Variants in SEMA4B observed in about 807,000 individuals in gnomAD.
The protein encoded by SEMA4B is semaphorin-4B.
Under a neutral mutation model 88.1 loss-of-function variants are expected in SEMA4B, and 55 were observed. The observed-to-expected ratio is 0.62, with a 90% CI of 0.50 to 0.78. SEMA4B has a LOEUF of 0.78. Among genes scored for constraint, SEMA4B ranks in the 30% least tolerant of loss-of-function variants. SEMA4B has a pLI of 0.00. For missense variants in SEMA4B, 1,062 were observed against 1,111.9 expected, an observed-to-expected ratio of 0.96 and a Z score of 0.64; for synonymous variants, 525 against 473.6, an observed-to-expected ratio of 1.11 and a Z score of -1.41.
chr15:90,185,170 C>G (rs1193557892), intron 1 of SEMA4B: 1 of 712,456 alleles, frequency 1.4e-6, no homozygotes, highest in Non-Finnish European at 1.7e-6. Flanking sequence ...GCTGCCCCCA[C>G]CCTTGCACCC....
Position 90,228,669 on chromosome 15 carries a change from C to T in SEMA4B, c.*26C>T, listed in dbSNP as rs755322283. On this transcript the variant is annotated 3_prime_UTR_variant, in exon 14 of 14. Transcript: ENST00000411539. ...GAGCTGACTTCCAGAGGACGCTGCC[C>T]TGGCTTCAGGGGCTGTGAATGCTCG... is the stretch of plus-strand genomic sequence containing the variant. 43 of 1,612,226 alleles carry T rather than the reference C, an allele frequency of 2.7e-5. No homozygotes were observed. Among genetic ancestry groups the T allele is most frequent in the Non-Finnish European group, 3.6e-5 (42 of 1,179,696 alleles).
intron 7 of SEMA4B, among the ~76,000 whole-genome samples, chr15:90,222,089 G>A (rs947217513): frequency 1.3e-5 from 2 of 151,080 alleles, no homozygotes; most frequent in African/African-American, 2.4e-5. Flanking sequence ...ACAGGTGTGC[G>A]CCCCCATGCC....
chr15:90,192,492 C>T (rs1042130912), intron 1 of SEMA4B, among the ~76,000 whole-genome samples: 1 of 151,994 alleles, frequency 6.6e-6, no homozygotes, highest in African/African-American at 2.4e-5. Flanking sequence ...CATCTGTTCC[C>T]TTTGTACTGG....
chr15:90,198,908 C>T (rs1462744268), upstream of SEMA4B, among the ~76,000 whole-genome samples: 1 of 152,132 alleles, frequency 6.6e-6, no homozygotes, highest in African/African-American at 2.4e-5. Context: ...TGCTCTGTAG[C>T]CCAGGCTGGA....
At position 90,212,921 on chromosome 15, in the gene SEMA4B, A is replaced by T. The variant is rs546103878; in HGVS notation, c.158-4518A>T. The stretch of plus-strand genomic sequence containing the variant: ...GCTAAGTTCGTGAACCCCCTGGATG[A>T]GGGAGGCCCGACTCCCGCAAGGAGC... On this transcript the variant is annotated intron_variant, in intron 1 of 13. Transcript: ENST00000411539. This position sits in a 1 kb window ranked among gnomAD's most constrained non-coding sequence, Gnocchi z 4.0. Among the ~76,000 whole-genome samples the T allele has an allele frequency of 1.3e-5, 2 of 152,166 alleles. No homozygotes were observed. Among genetic ancestry groups the T allele is most frequent in the Non-Finnish European group, 2.9e-5 (2 of 68,022 alleles).
chr15:90,229,538 C>G lies in SEMA4B; in HGVS notation c.*895C>G. On this transcript the variant is annotated 3_prime_UTR_variant, in exon 14 of 14. Coordinates refer to ENST00000411539, the MANE Select transcript of SEMA4B (RefSeq NM_198925.4). ...TTCACCCTCCATCCCTCACCTTCCT[C>G]CACTCTAAGGGATATCAACACTGCC... 2 of 401,314 alleles carry G rather than the reference C, an allele frequency of 5.0e-6. No homozygotes were observed. Among genetic ancestry groups the G allele is most frequent in the Admixed American group, 5.4e-5 (2 of 37,016 alleles). 24.9% of individuals were successfully genotyped at this position (401,314 alleles called of 1,614,324 possible).
Position 90,228,593 on chromosome 15 carries a change from C to T in SEMA4B, c.2464C>T (p.Pro822Ser). ...CTTCGTGGAGGTATCCCCAGTGTGCCCCCGGCCCCGGGTCCGCCTTGGCTC... is the reference window on the plus strand; with the variant it reads ...CTTCGTGGAGGTATCCCCAGTGTGCTCCCGGCCCCGGGTCCGCCTTGGCTC... ...DSFVEVSPVC[P>S]RPRVRLGSEI... The change falls in exon 14 of 14, where the codon CCC becomes TCC. Residue 822 changes from proline (P) to serine (S), a missense_variant. Transcript: ENST00000411539. The T allele has an allele frequency of 1.2e-6, 2 of 1,613,602 alleles. No individual in the cohort carries two copies. The highest frequency in any genetic ancestry group is 2.7e-5 in the African/African-American group (2 of 75,060).
rs770128948 is a variant in SEMA4B at position 90,225,805 on chromosome 15, T to C, written c.1666T>C (p.Tyr556His). 1 of 1,548,324 alleles carries C rather than the reference T, an allele frequency of 6.5e-7. No homozygotes were observed. Among genetic ancestry groups the C allele is most frequent in the Non-Finnish European group, 8.7e-7 (1 of 1,147,654 alleles). Residue 556 changes from tyrosine (Y) to histidine (H), a missense_variant, in exon 12 of 14, where the codon TAC becomes CAC. Coordinates refer to ENST00000411539, the MANE Select transcript of SEMA4B (RefSeq NM_198925.4). ...SGSSCKHVSL[Y>H]QPQLATRPWI... ...CTCCAGCTGCAAGCACGTCAGCCTCTACCAGCCTCAGCTGGCCACCAGGTG... is the reference window on the plus strand; with the variant it reads ...CTCCAGCTGCAAGCACGTCAGCCTCCACCAGCCTCAGCTGGCCACCAGGTG...
intron 1 of SEMA4B, among the ~76,000 whole-genome samples, chr15:90,189,961 C>T (rs1960296338): frequency 6.6e-6 from 1 of 152,198 alleles, no homozygotes; most frequent in African/African-American, 2.4e-5. Flanking sequence ...AGCCGTCTTT[C>T]AAGGGGTTTG....
chr15:90,223,687 C>G lies in SEMA4B; in HGVS notation c.990C>G (p.Pro330=). The change falls in exon 8 of 14, where the codon CCC becomes CCG. Residue 330 remains proline, a synonymous_variant. Coordinates refer to ENST00000411539, the MANE Select transcript of SEMA4B (RefSeq NM_198925.4). The part of the protein sequence containing the change: ...NVLQDVFTLS[P]SPQDWRDTLF... ...TGCAGGATGTCTTCACGCTGAGCCC[C>G]AGCCCCCAGGACTGGCGTGACACCC... 1 of 1,613,416 alleles carries G rather than the reference C, an allele frequency of 6.2e-7. No individual in the cohort carries two copies. The highest frequency in any genetic ancestry group is 8.5e-7 in the Non-Finnish European group (1 of 1,179,564).
At position 90,228,193 on chromosome 15, in the gene SEMA4B, T is replaced by C. The variant is rs1411663839; in HGVS notation, c.2064T>C (p.Ser688=). ...GVADQTDEGG[S]VPVIISTSRV... ...CAGACCAAACAGATGAGGGTGGCAG[T>C]GTACCCGTCATTATCAGCACATCGC... Residue 688 remains serine, a synonymous_variant, in exon 14 of 14, where the codon AGT becomes AGC. Coordinates refer to ENST00000411539, the MANE Select transcript of SEMA4B (RefSeq NM_198925.4). 6.2e-7 allele frequency: 1 copy of C among 1,610,322 alleles called. No individual in the cohort carries two copies. Among genetic ancestry groups the C allele is most frequent in the Non-Finnish European group, 8.5e-7 (1 of 1,178,264 alleles).
rs777735106 is a variant in SEMA4B at position 90,228,069 on chromosome 15, G to A, written c.1940G>A (p.Gly647Asp). Reference sequence around the variant, plus strand: ...CCCACTGGGGACCTGCTGCTGGTGGGCACCCAACAGCTGGGGGAGTTCCAG... The same window carrying A: ...CCCACTGGGGACCTGCTGCTGGTGGACACCCAACAGCTGGGGGAGTTCCAG... ...VLPTGDLLLV[G>D]TQQLGEFQCW... Residue 647 changes from glycine (G) to aspartate (D), a missense_variant, in exon 14 of 14, where the codon GGC becomes GAC. Physicochemically the swap from Gly to Asp is moderately conservative, Grantham distance 94. Coordinates refer to ENST00000411539, the MANE Select transcript of SEMA4B (RefSeq NM_198925.4). 3 of 1,613,422 alleles carry A rather than the reference G, an allele frequency of 1.9e-6. No homozygotes were observed. The highest frequency in any genetic ancestry group is 1.3e-5 in the African/African-American group (1 of 75,054).
In SEMA4B at chr15:90,201,630, G is replaced by A. The variant is rs1381249481; in HGVS notation, c.52G>A (p.Ala18Thr). 6.6e-7 allele frequency: 1 copy of A among 1,517,228 alleles called. No individual in the cohort carries two copies. The highest frequency in any genetic ancestry group is 1.2e-5 in the South Asian group (1 of 82,422). 94.0% of individuals were successfully genotyped at this position (1,517,228 alleles called of 1,614,324 possible). ...LRSWLAAPWGALPPRPPLLLL... is the reference protein window; with the variant it reads ...LRSWLAAPWGTLPPRPPLLLL... ...GAGCTGGCTCGCCGCCCCATGGGGC[G>A]CGCTGCCGCCTCGGCCACCGCTGCT... Residue 18 changes from alanine to threonine, a missense_variant, in exon 1 of 14, where the codon GCG becomes ACG. Physicochemically the swap from Ala to Thr is moderately conservative, Grantham distance 58. Transcript: ENST00000411539.
At chr15:90,220,895 CT>C (rs1961794957) in intron 4 of SEMA4B, 86 bp from the exon 5 acceptor site, 2 of 846,666 alleles carry the variant, frequency 2.4e-6, no homozygotes, top group African/African-American at 3.3e-5. Context: ...GCAGAGTTGC[CT>C]TCTCCTGCAC....
rs936539705 is a variant in SEMA4B at position 90,188,953 on chromosome 15, G to A, written c.-122+3872G>A. Among the ~76,000 whole-genome samples the A allele has an allele frequency of 2.0e-5, 3 of 152,166 alleles. No homozygotes were observed. In the East Asian group the frequency reaches 5.8e-4, roughly 29 times the overall value. ...CAAAGTGCTGGGATTATAGGCATGAGCCACCGCGCCCAGCCAGGATGAATA... is the reference window on the plus strand; with the variant it reads ...CAAAGTGCTGGGATTATAGGCATGAACCACCGCGCCCAGCCAGGATGAATA... On this transcript the variant is annotated intron_variant, in intron 1 of 14. Transcript: ENST00000332496.
chr15:90,224,882 G>C, intron 9 of SEMA4B, 86 bp from the exon 10 acceptor site: 1 of 1,132,232 alleles, frequency 8.8e-7, no homozygotes, highest in East Asian at 2.4e-5. Context: ...GACAGACACC[G>C]CTACTGTCCA....
At chr15:90,227,740 C>G in intron 13 of SEMA4B, 98 bp downstream of exon 13, 1 of 1,468,072 alleles carries the variant, frequency 6.8e-7, no homozygotes, top group South Asian at 1.2e-5. Flanking sequence ...TTCCTCACTT[C>G]CTTGCCCCCT....
chr15:90,222,949 T>A (rs1961937484), intron 7 of SEMA4B, among the ~76,000 whole-genome samples: 2 of 122,672 alleles, frequency 1.6e-5, no homozygotes, highest in Non-Finnish European at 3.5e-5. Flanking sequence ...TATGTGTAAC[T>A]CTGTGTATAT....
intron 1 of SEMA4B, among the ~76,000 whole-genome samples, chr15:90,210,919 A>G (rs1253213812): frequency 6.6e-6 from 1 of 152,126 alleles, no homozygotes; most frequent in Admixed American, 6.5e-5. Context: ...AGGCAGGTGG[A>G]GGGAGGCACA....
Sources: allele counts gnomAD v4.1 joint callset (sites outside exome capture counted in the v4.1 genomes callset), GRCh38; gene constraint gnomAD v4.1.1; non-coding constraint Gnocchi (gnomAD v3.1); transcripts MANE v1.5; gene names NCBI Gene and HGNC (gene_info 2026-07-23, HGNC 2026-07-21).